DLC1: variants seen among roughly 807,000 people sequenced by gnomAD.
The protein encoded by DLC1 is DLC1 Rho GTPase activating protein, also known as rho GTPase-activating protein 7.
A neutral mutation model predicts 140.3 loss-of-function variants in DLC1; 54 were observed. The ratio of observed to expected loss-of-function variants is 0.38; its 90% CI spans 0.31 to 0.48. DLC1 has a LOEUF of 0.48. Ranked by LOEUF, DLC1 falls within the 20% of genes least tolerant of loss-of-function variation. The pLI is 0.96. For missense variants in DLC1, 2,536 were observed against 1,907.0 expected, an observed-to-expected ratio of 1.33 and a Z score of -6.14; for synonymous variants, 986 against 728.1, an observed-to-expected ratio of 1.35 and a Z score of -5.70.
chr8:13,404,555 A>G (rs942988336), intron 2 of DLC1, among the ~76,000 whole-genome samples: 2 of 152,182 alleles, frequency 1.3e-5, no homozygotes, highest in African/African-American at 4.8e-5. Flanking sequence ...AAAATAACAC[A>G]TTTTATTTTT....
At position 13,602,840 on chromosome 8, in the gene DLC1, G is replaced by A. The variant is rs150968716; in HGVS notation, c.-126+1697C>T. 5.3e-5 allele frequency among the ~76,000 whole-genome samples: 8 copies of A among 151,756 alleles called. No individual in the cohort carries two copies. The East Asian group carries it at 1.2e-3, about 22-fold the overall frequency. ...TTAAGGAAAAGAGTTTTTATCCCACGTTACTTAAAAAGAGTTTATTGAGAT... is the reference window on the plus strand; with the variant it reads ...TTAAGGAAAAGAGTTTTTATCCCACATTACTTAAAAAGAGTTTATTGAGAT... On this transcript the variant is annotated intron_variant, in intron 1 of 1. Transcript: ENST00000631382.
intron 1 of DLC1, among the ~76,000 whole-genome samples, chr8:13,553,185 C>G (rs1166545799): frequency 1.6e-5 from 2 of 127,530 alleles, no homozygotes; most frequent in African/African-American, 5.8e-5. Flanking sequence ...ATTATATTGA[C>G]AAATACCTGC....
rs779777760 is a variant in DLC1 at position 13,393,611 on chromosome 8, G to C, written c.1256C>G (p.Ser419Cys). 6.2e-7 allele frequency: 1 copy of C among 1,614,036 alleles called. No homozygotes were observed. The highest frequency in any genetic ancestry group is 1.7e-5 in the Admixed American group (1 of 60,004). ...TGGAGTGGAAGATGGGAGGTCCGTG[G>C]ACTCAGTGTCAGAAGACAAATTTAC... ...TRVNLSSDTE[S>C]TDLPSSTPVA... Residue 419 changes from serine to cysteine, a missense_variant, in exon 4 of 18, where the codon TCC becomes TGC. Ser to Cys is a moderately radical substitution (Grantham distance 112, BLOSUM62 -1). Transcript: ENST00000276297.
chr8:13,547,270 T>C (rs977164360), intron 1 of DLC1, among the ~76,000 whole-genome samples: 2 of 152,114 alleles, frequency 1.3e-5, no homozygotes, highest in African/African-American at 2.4e-5. Flanking sequence ...AAATTATTAA[T>C]ATTTTCATAG....
intron 4 of DLC1, among the ~76,000 whole-genome samples, chr8:13,327,470 G>C (rs578138921): frequency 6.9e-6 from 1 of 144,094 alleles, no homozygotes; most frequent in South Asian, 2.2e-4. Flanking sequence ...TTTATTTCTG[G>C]CATTTTTTTT....
chr8:13,148,448 CA>C (rs1293612892), intron 5 of DLC1, among the ~76,000 whole-genome samples: 2 of 152,192 alleles, frequency 1.3e-5, no homozygotes, highest in African/African-American at 4.8e-5. Flanking sequence ...CACATTCCCG[CA>C]AAAGACAGGG....
In DLC1 at chr8:13,343,881, C is replaced by T. The variant is rs916898296; in HGVS notation, c.1315-38579G>A. 2.0e-5 allele frequency among the ~76,000 whole-genome samples: 3 copies of T among 152,080 alleles called. No individual in the cohort carries two copies. In the East Asian group the frequency reaches 5.8e-4, roughly 29 times the overall value. ...GCTACAGTAGGTGAATCTAACATTT[C>T]TTATCATTTTTACATCTTTAGGGAC... On this transcript the variant is annotated intron_variant, in intron 4 of 17. Transcript: ENST00000276297.
At chr8:13,424,750 T>C (rs1325679532) in intron 2 of DLC1, among the ~76,000 whole-genome samples, 1 of 151,974 alleles carries the variant, frequency 6.6e-6, no homozygotes, top group South Asian at 2.1e-4. Flanking sequence ...TTTTTTTGTA[T>C]TGTTAGTAGA....
chr8:13,355,958 C>T (rs372161928), intron 4 of DLC1, among the ~76,000 whole-genome samples: 15 of 151,346 alleles, frequency 9.9e-5, no homozygotes, highest in South Asian at 2.1e-4. Context: ...GGCATAGTGG[C>T]GGGCACCTGT....
chr8:13,118,090 G>A (rs542482753), intron 5 of DLC1, among the ~76,000 whole-genome samples: 2 of 147,318 alleles, frequency 1.4e-5, no homozygotes, highest in Admixed American at 6.9e-5. Flanking sequence ...GCTCACTGCA[G>A]CATCGACCTT....
chr8:13,282,513 C>T (rs1201888855), intron 5 of DLC1, among the ~76,000 whole-genome samples: 1 of 152,062 alleles, frequency 6.6e-6, no homozygotes, highest in African/African-American at 2.4e-5. Context: ...AAATCTATAA[C>T]TTATATTACC....
At chr8:13,280,211 C>T (rs1052793169) in intron 5 of DLC1, among the ~76,000 whole-genome samples, 7 of 149,574 alleles carry the variant, frequency 4.7e-5, no homozygotes, top group African/African-American at 1.5e-4. Flanking sequence ...TGGCATGAAC[C>T]CAGGAGGCGG....
intron 5 of DLC1, among the ~76,000 whole-genome samples, chr8:13,249,325 G>T (rs1441046135): frequency 6.6e-6 from 1 of 152,104 alleles, no homozygotes; most frequent in Non-Finnish European, 1.5e-5. Context: ...CAATCCACCC[G>T]CCTCAGCCTC....
At chr8:13,422,991 T>C (rs1413203606) in intron 2 of DLC1, among the ~76,000 whole-genome samples, 1 of 152,104 alleles carries the variant, frequency 6.6e-6, no homozygotes, top group African/African-American at 2.4e-5. Flanking sequence ...TCACAGGGCA[T>C]AGACATATTA....
At chr8:13,137,603 G>GTGTTTTTTTTTTTTTTTTTTTTTTGTTT (rs372753052) in intron 5 of DLC1, among the ~76,000 whole-genome samples, 1 of 134,374 alleles carries the variant, frequency 7.4e-6, no homozygotes. Context: ...TTTTGGTTTT[G>GTGTTTTTTTTTTTTTTTTTTTTTTGTTT]TTTTTTTTTT....
At chr8:13,189,372 G>T (rs2117017731) in intron 5 of DLC1, among the ~76,000 whole-genome samples, 1 of 152,244 alleles carries the variant, frequency 6.6e-6, no homozygotes, top group South Asian at 2.1e-4. Flanking sequence ...CAGCACTTTG[G>T]AAGGCTGAGG....
chr8:13,159,764 A>T (rs752264256), intron 5 of DLC1, among the ~76,000 whole-genome samples: 1 of 150,630 alleles, frequency 6.6e-6, no homozygotes, highest in Non-Finnish European at 1.5e-5. Flanking sequence ...GTTCCTGGGG[A>T]TGTTCTTCCA....
At chr8:13,242,692 C>T (rs1391085145) in intron 5 of DLC1, among the ~76,000 whole-genome samples, 8 of 152,114 alleles carry the variant, frequency 5.3e-5, no homozygotes, top group Non-Finnish European at 1.0e-4. Context: ...TGTGCCTGGT[C>T]TCCTCAATAG....
chr8:13,421,309 G>A (rs1166332531), intron 2 of DLC1, among the ~76,000 whole-genome samples: 1 of 152,124 alleles, frequency 6.6e-6, no homozygotes, highest in African/African-American at 2.4e-5. Flanking sequence ...AGACTGGGCT[G>A]ATGTGTCTCT....
Sources: gnomAD v4.1 joint callset for allele counts (sites outside exome capture counted in the v4.1 genomes callset) on GRCh38, gnomAD v4.1.1 for gene constraint, MANE v1.5 for transcripts, NCBI Gene and HGNC (gene_info 2026-07-23, HGNC 2026-07-21) for gene names.